Variants in MSH3 observed in about 807,000 individuals in gnomAD.
MSH3 encodes mutS homolog 3.
MSH3 carries 106 observed loss-of-function variants against 123.3 expected under a neutral mutation model. The ratio of observed to expected loss-of-function variants is 0.86; its 90% CI spans 0.73 to 1.01. The LOEUF is 1.01. MSH3 is among the 50% of genes least tolerant of loss of function. The pLI, the probability that MSH3 is intolerant of heterozygous loss-of-function variation, is 0.00. For synonymous variants in MSH3, 515 were observed against 481.4 expected (o/e 1.07, Z -0.91); for missense variants, 1,459 against 1,347.6 (o/e 1.08, Z -1.29).
chr5:80,655,005 G>C (rs985800048), intron 1 of MSH3, 41 bp downstream of exon 1: 111 of 1,249,136 alleles, frequency 8.9e-5, no homozygotes, highest in Non-Finnish European at 1.1e-4. Context: ...TCGGGGCTGG[G>C]GGGGCGGGGC....
intron 15 of MSH3, among the ~76,000 whole-genome samples, chr5:80,774,345 G>C (rs1744263212): frequency 6.6e-6 from 1 of 151,196 alleles, no homozygotes; most frequent in Admixed American, 6.6e-5. Flanking sequence ...CTTGTACACT[G>C]TTGGTGGGAA....
At chr5:80,767,816 C>G in intron 13 of MSH3, 117 bp from the exon 14 acceptor site, 1 of 722,172 alleles carries the variant, frequency 1.4e-6, no homozygotes, top group Non-Finnish European at 2.4e-6. Context: ...TTTCAACTAA[C>G]TAGTTAATAG....
chr5:80,668,959 C>T (rs969456898), intron 3 of MSH3, among the ~76,000 whole-genome samples: 3 of 152,198 alleles, frequency 2.0e-5, no homozygotes, highest in Non-Finnish European at 4.4e-5. Flanking sequence ...GCCCTGGCTG[C>T]GCCTCTCCTA....
intron 14 of MSH3, among the ~76,000 whole-genome samples, chr5:80,768,436 C>T (rs1037922661): frequency 6.6e-6 from 1 of 152,096 alleles, no homozygotes; most frequent in Non-Finnish European, 1.5e-5. Flanking sequence ...ATCTTGTACT[C>T]ATTTCCTATA....
At chr5:80,708,717 AT>A (rs1183191420) in intron 8 of MSH3, among the ~76,000 whole-genome samples, 1 of 152,132 alleles carries the variant, frequency 6.6e-6, no homozygotes, top group East Asian at 1.9e-4. Context: ...ATGTTCTTAT[AT>A]TAGATATTTT....
intron 8 of MSH3, among the ~76,000 whole-genome samples, chr5:80,702,280 G>C (rs1046329216): frequency 2.0e-5 from 3 of 152,136 alleles, no homozygotes; most frequent in Admixed American, 2.0e-4. Context: ...GCTGGGCTCT[G>C]CACCTCATGG....
chr5:80,674,914 A>G, intron 6 of MSH3, 69 bp from the exon 7 acceptor site: 1 of 1,272,230 alleles, frequency 7.9e-7, no homozygotes, highest in Non-Finnish European at 1.1e-6. Context: ...AATAGTTAAT[A>G]TTATTGGAAA....
At chr5:80,787,413 T>C (rs1744528113) in intron 17 of MSH3, 152 bp from the exon 18 acceptor site, 1 of 688,440 alleles carries the variant, frequency 1.5e-6, no homozygotes, top group Non-Finnish European at 2.7e-6. Context: ...TAAAGCTGTT[T>C]GGTGTAATCT....
At chr5:80,785,930 G>A (rs1295745183) in intron 17 of MSH3, among the ~76,000 whole-genome samples, 1 of 133,802 alleles carries the variant, frequency 7.5e-6, no homozygotes, top group African/African-American at 2.8e-5. Context: ...TCACAGGTGG[G>A]AATTGAACAA....
At chr5:80,711,004 A>AT (rs1309365338) in intron 8 of MSH3, among the ~76,000 whole-genome samples, 3 of 152,144 alleles carry the variant, frequency 2.0e-5, no homozygotes, top group Non-Finnish European at 2.9e-5. Context: ...ACAGACTAGA[A>AT]TTTTTTTGTT....
chr5:80,756,296 G>A (rs1743924624), intron 12 of MSH3, among the ~76,000 whole-genome samples: 1 of 152,144 alleles, frequency 6.6e-6, no homozygotes, highest in African/African-American at 2.4e-5. Flanking sequence ...AACAAGAATA[G>A]AGGAAATAAC....
chr5:80,767,330 A>C (rs1471293345), intron 13 of MSH3, among the ~76,000 whole-genome samples: 1 of 152,186 alleles, frequency 6.6e-6, no homozygotes, highest in African/African-American at 2.4e-5. Flanking sequence ...GTCCTCTGCT[A>C]AGAGTATATA....
chr5:80,663,644 AAG>A (rs1260106593), intron 2 of MSH3, among the ~76,000 whole-genome samples: 2 of 152,228 alleles, frequency 1.3e-5, no homozygotes, highest in South Asian at 2.1e-4. Context: ...CATTTCAAAA[AAG>A]AGAGTAATAG....
chr5:80,741,577 A>G (rs1248350629), intron 11 of MSH3, 29 bp downstream of exon 11: 1 of 1,534,138 alleles, frequency 6.5e-7, no homozygotes, highest in East Asian at 2.3e-5. Flanking sequence ...CTAGTTGATT[A>G]TAAATCGTTT....
At chr5:80,754,540 C>G (rs763878322) in intron 12 of MSH3, among the ~76,000 whole-genome samples, 1 of 152,126 alleles carries the variant, frequency 6.6e-6, no homozygotes, top group Non-Finnish European at 1.5e-5. Context: ...CAAATACTTA[C>G]CTGTTACTCA....
chr5:80,759,750 G>C (rs530485249), intron 12 of MSH3, among the ~76,000 whole-genome samples: 352 of 152,244 alleles, frequency 2.3e-3, no homozygotes, highest in South Asian at 3.5e-3. Context: ...TTAGGAGGCT[G>C]TTTCAATATA....
chr5:80,754,224 G>C (rs1036600913), intron 12 of MSH3, among the ~76,000 whole-genome samples: 2 of 151,862 alleles, frequency 1.3e-5, no homozygotes, highest in Non-Finnish European at 2.9e-5. Flanking sequence ...GGTAATCATG[G>C]TTATTACTTT....
chr5:80,759,555 G>C (rs1224277532), intron 12 of MSH3, among the ~76,000 whole-genome samples: 1 of 152,176 alleles, frequency 6.6e-6, no homozygotes, highest in Non-Finnish European at 1.5e-5. Context: ...AGACCCAAGA[G>C]CTAAACAGGC....
At chr5:80,819,344 GTATA>G (rs1301997173) in intron 20 of MSH3, among the ~76,000 whole-genome samples, 1 of 132,210 alleles carries the variant, frequency 7.6e-6, no homozygotes, top group African/African-American at 3.0e-5. Flanking sequence ...GTGTGTGTGT[GTATA>G]TATATGTATA....
Sources: gnomAD v4.1 joint callset for allele counts (sites outside exome capture counted in the v4.1 genomes callset) on GRCh38, gnomAD v4.1.1 for gene constraint, MANE v1.5 for transcripts, NCBI Gene and HGNC (gene_info 2026-07-23, HGNC 2026-07-21) for gene names.